ATP8A2: variants seen among roughly 807,000 people sequenced by gnomAD.
ATP8A2 encodes the protein ATPase phospholipid transporting 8A2.
A neutral mutation model predicts 165.6 loss-of-function variants in ATP8A2; 100 were observed. The ratio of observed to expected loss-of-function variants is 0.60; its 90% CI spans 0.51 to 0.71. The LOEUF is 0.71. Among genes scored for constraint, ATP8A2 ranks in the 30% least tolerant of loss-of-function variants. ATP8A2 has a pLI of 0.00. For missense variants in ATP8A2, 1,227 were observed against 1,479.5 expected (o/e 0.83, Z 2.80); for synonymous variants, 543 against 548.8 (o/e 0.99, Z 0.15).
At chr13:25,391,500 C>G (rs953374786) in intron 1 of ATP8A2, among the ~76,000 whole-genome samples, 1 of 152,206 alleles carries the variant, frequency 6.6e-6, no homozygotes. Context: ...CCAAGAAGTT[C>G]TTAGGAATCT....
chr13:25,848,085 G>C (rs189028215), intron 30 of ATP8A2, among the ~76,000 whole-genome samples: 1 of 152,222 alleles, frequency 6.6e-6, no homozygotes, highest in South Asian at 2.1e-4. Context: ...CATGCTCAGC[G>C]TCTCTCCAAC....
chr13:25,794,865 T>G (rs1196287253), intron 27 of ATP8A2, among the ~76,000 whole-genome samples: 1 of 117,160 alleles, frequency 8.5e-6, no homozygotes, highest in East Asian at 2.4e-4. Context: ...ACACACCTTC[T>G]CTCTCTCTCT....
At chr13:25,813,045 C>T (rs1950917581) in intron 27 of ATP8A2, among the ~76,000 whole-genome samples, 2 of 151,924 alleles carry the variant, frequency 1.3e-5, no homozygotes, top group Non-Finnish European at 2.9e-5. Flanking sequence ...AGGGGAACAC[C>T]ACACACTGGG....
At chr13:25,917,207 C>T (rs1218092378) in intron 33 of ATP8A2, among the ~76,000 whole-genome samples, 1 of 152,164 alleles carries the variant, frequency 6.6e-6, no homozygotes, top group Non-Finnish European at 1.5e-5. Flanking sequence ...TCTCTCCTGT[C>T]CTAGATATCT....
chr13:25,618,234 C>T (rs143515963), intron 24 of ATP8A2, among the ~76,000 whole-genome samples: 22 of 152,168 alleles, frequency 1.4e-4, no homozygotes, highest in African/African-American at 5.3e-4. Flanking sequence ...TTGAGAGTGA[C>T]CTGCTGAGGT....
At chr13:25,513,002 C>T (rs868462062) in intron 2 of ATP8A2, among the ~76,000 whole-genome samples, 121 of 123,946 alleles carry the variant, frequency 9.8e-4, no homozygotes, top group African/African-American at 2.8e-3. Context: ...GCTGGCCGGG[C>T]GGGGGGCTGA....
chr13:25,838,807 T>A (rs1161009240), intron 29 of ATP8A2, among the ~76,000 whole-genome samples: 1 of 152,160 alleles, frequency 6.6e-6, no homozygotes, highest in Non-Finnish European at 1.5e-5. Flanking sequence ...AGCTCTGGTC[T>A]ACAGCTCCCA....
intron 13 of ATP8A2, among the ~76,000 whole-genome samples, chr13:25,557,344 A>G (rs2039010530): frequency 6.6e-6 from 1 of 152,058 alleles, no homozygotes. Context: ...TTGGGCTGTC[A>G]ATCCTCATTT....
At chr13:25,921,013 T>C (rs983656363) in intron 33 of ATP8A2, among the ~76,000 whole-genome samples, 1 of 152,110 alleles carries the variant, frequency 6.6e-6, no homozygotes, top group Admixed American at 6.5e-5. Context: ...GAGGCTGCAG[T>C]GAGCCAAGAT....
chr13:25,867,999 C>A (rs762337472), intron 33 of ATP8A2: 6 of 376,298 alleles, frequency 1.6e-5, no homozygotes, highest in Non-Finnish European at 2.7e-5. Flanking sequence ...CTGTATGAAG[C>A]CAGCCTCGAA....
chr13:25,778,367 C>A (rs1049775733), intron 27 of ATP8A2, among the ~76,000 whole-genome samples: 3 of 152,124 alleles, frequency 2.0e-5, no homozygotes, highest in Non-Finnish European at 4.4e-5. Context: ...GCATAAAATT[C>A]AAGCCAAAAT....
At chr13:25,997,917 T>G (rs966834560) in intron 35 of ATP8A2, among the ~76,000 whole-genome samples, 1 of 152,230 alleles carries the variant, frequency 6.6e-6, no homozygotes, top group African/African-American at 2.4e-5. Context: ...GACGTCTTGG[T>G]GTTAGCATCT....
At chr13:25,587,485 G>A (rs148751430) in intron 23 of ATP8A2, among the ~76,000 whole-genome samples, 1 of 152,146 alleles carries the variant, frequency 6.6e-6, no homozygotes, top group African/African-American at 2.4e-5. Context: ...TGTAGCTTCA[G>A]TTGTCAAATG....
chr13:25,952,384 C>CCT (rs1955391633), intron 33 of ATP8A2, among the ~76,000 whole-genome samples: 1 of 147,306 alleles, frequency 6.8e-6, no homozygotes, highest in Admixed American at 6.7e-5. Context: ...TCTTTTTCTT[C>CCT]TTTTTTTTTT....
At chr13:25,379,403 G>A (rs1046447417) in intron 1 of ATP8A2, among the ~76,000 whole-genome samples, 22 of 152,314 alleles carry the variant, frequency 1.4e-4, no homozygotes, top group African/African-American at 4.8e-4. Flanking sequence ...CAGATATTTA[G>A]TTCAAAGACA....
At chr13:25,412,826 T>A (rs1393693235) in intron 1 of ATP8A2, among the ~76,000 whole-genome samples, 1 of 152,040 alleles carries the variant, frequency 6.6e-6, no homozygotes, top group African/African-American at 2.4e-5. Context: ...AATGGATCAA[T>A]TTTTTTTGGG....
intron 33 of ATP8A2, among the ~76,000 whole-genome samples, chr13:25,952,817 C>T (rs1955406332): frequency 6.6e-6 from 1 of 152,198 alleles, no homozygotes; most frequent in South Asian, 2.1e-4. Context: ...TTTATTGTGT[C>T]AGCGCCACAC....
intron 4 of ATP8A2, among the ~76,000 whole-genome samples, chr13:25,531,564 ATCT>A (rs939369343): frequency 3.6e-4 from 54 of 151,398 alleles, no homozygotes; most frequent in African/African-American, 1.3e-3. Flanking sequence ...ACATATATGC[ATCT>A]TTCTGGGAAT....
chr13:25,521,385 C>A (rs1325115399), intron 2 of ATP8A2, among the ~76,000 whole-genome samples: 1 of 151,986 alleles, frequency 6.6e-6, no homozygotes, highest in East Asian at 1.9e-4. Flanking sequence ...CTTGATGTAA[C>A]CTTATTTGTC....
Sources: gnomAD v4.1 joint callset for allele counts (sites outside exome capture counted in the v4.1 genomes callset) on GRCh38, gnomAD v4.1.1 for gene constraint, MANE v1.5 for transcripts, NCBI Gene and HGNC (gene_info 2026-07-23, HGNC 2026-07-21) for gene names.